The following PLXNA4 variants were observed in gnomAD, a reference collection of about 807,000 sequenced individuals.
PLXNA4 encodes plexin A4.
A neutral mutation model predicts 191.8 loss-of-function variants in PLXNA4; 44 were observed. The observed-to-expected ratio is 0.23, with a 90% confidence interval of 0.18 to 0.29. PLXNA4 has a LOEUF of 0.29. Ranked by LOEUF, PLXNA4 falls within the 10% of genes least tolerant of loss-of-function variation. The pLI is 1.00. For missense variants in PLXNA4, 1,800 were observed against 2,488.8 expected, an observed-to-expected ratio of 0.72 and a Z score of 5.89; for synonymous variants, 1,082 against 1,009.5, an observed-to-expected ratio of 1.07 and a Z score of -1.36.
chr7:132,202,634 A>C lies in PLXNA4; in HGVS notation c.2586+12T>G. Reference sequence around the variant, plus strand: ...CTGCCCATTTGGAGCAGGAGGCCCGACCCCGGCTTACCTCTGTGATGCGGG... The same window carrying C: ...CTGCCCATTTGGAGCAGGAGGCCCGCCCCCGGCTTACCTCTGTGATGCGGG... On this transcript the variant is annotated intron_variant, in intron 12 of 31. Transcript: ENST00000321063. 1.4e-6 allele frequency: 2 copies of C among 1,458,780 alleles called. No individual in the cohort carries two copies. The highest frequency in any genetic ancestry group is 1.8e-6 in the Non-Finnish European group (2 of 1,098,686). The allele number at this position is 1,458,780 out of a possible 1,614,324, so 90.4% of individuals were successfully genotyped here.
chr7:132,399,569 T>G (rs1352550312), intron 3 of PLXNA4, among the ~76,000 whole-genome samples: 1 of 152,170 alleles, frequency 6.6e-6, no homozygotes, highest in Non-Finnish European at 1.5e-5. Flanking sequence ...CTGGTCCTAG[T>G]GCAGTCTGGG....
At chr7:132,609,056 C>T (rs559452124) in intron 2 of PLXNA4, among the ~76,000 whole-genome samples, 27 of 152,286 alleles carry the variant, frequency 1.8e-4, no homozygotes, top group African/African-American at 5.5e-4. Context: ...CCCCTCATCC[C>T]TAAAGGCCCA....
intron 3 of PLXNA4, among the ~76,000 whole-genome samples, chr7:132,415,367 T>C (rs1346952910): frequency 6.6e-6 from 1 of 152,168 alleles, no homozygotes; most frequent in Non-Finnish European, 1.5e-5. Context: ...TGTTCACATG[T>C]ATGTGTGTGC....
At chr7:132,450,605 G>T (rs1273939775) in intron 3 of PLXNA4, among the ~76,000 whole-genome samples, 1 of 152,190 alleles carries the variant, frequency 6.6e-6, no homozygotes, top group Non-Finnish European at 1.5e-5. Context: ...GACTGGGAAG[G>T]CTGGAAAGGC....
At chr7:132,582,871 C>A (rs557300170) in intron 2 of PLXNA4, among the ~76,000 whole-genome samples, 1 of 152,258 alleles carries the variant, frequency 6.6e-6, no homozygotes, top group South Asian at 2.1e-4. Flanking sequence ...ATAAGAAGGA[C>A]AAAGTGGGGC....
At chr7:132,592,519 C>CTTT (rs5887580) in intron 2 of PLXNA4, among the ~76,000 whole-genome samples, 1 of 145,770 alleles carries the variant, frequency 6.9e-6, no homozygotes, top group Non-Finnish European at 1.5e-5. Flanking sequence ...TTAATTTAAC[C>CTTT]TTTTTTTTTT....
At chr7:132,480,795 C>A (rs1054911915) in intron 3 of PLXNA4, among the ~76,000 whole-genome samples, 2 of 152,190 alleles carry the variant, frequency 1.3e-5, no homozygotes, top group Non-Finnish European at 2.9e-5. Flanking sequence ...CATAATTGCT[C>A]TCAGAAGGAA....
chr7:132,595,018 T>TAGATAGACAGAC (rs1351375386), intron 2 of PLXNA4, among the ~76,000 whole-genome samples: 11 of 31,670 alleles, frequency 3.5e-4, no homozygotes, highest in South Asian at 2.5e-3. Flanking sequence ...GATAGATAGA[T>TAGATAGACAGAC]AGACAGACAG....
intron 3 of PLXNA4, among the ~76,000 whole-genome samples, chr7:132,464,205 G>A (rs576425038): frequency 6.6e-6 from 1 of 152,348 alleles, no homozygotes; most frequent in Non-Finnish European, 1.5e-5. Context: ...TGCTCTGGAA[G>A]AGTCCTGCTC....
intron 3 of PLXNA4, among the ~76,000 whole-genome samples, chr7:132,410,864 A>C (rs900605521): frequency 1.3e-5 from 2 of 152,088 alleles, no homozygotes; most frequent in Admixed American, 6.6e-5. Flanking sequence ...GCAGGCTAGC[A>C]TCCATTCTAG....
At chr7:132,345,571 G>A (rs2196049) in intron 3 of PLXNA4, among the ~76,000 whole-genome samples, 13 of 152,280 alleles carry the variant, frequency 8.5e-5, no homozygotes, top group African/African-American at 3.1e-4. Flanking sequence ...CATGAGGTCA[G>A]GTCATTCGGT....
chr7:132,641,811 C>T (rs1490051338), intron 2 of PLXNA4, among the ~76,000 whole-genome samples: 2 of 152,082 alleles, frequency 1.3e-5, no homozygotes, highest in African/African-American at 4.8e-5. Flanking sequence ...CACCTAACTC[C>T]ACTGGAGGGA....
chr7:132,459,701 T>C (rs908424438), intron 3 of PLXNA4, among the ~76,000 whole-genome samples: 7 of 152,242 alleles, frequency 4.6e-5, no homozygotes, highest in Admixed American at 4.6e-4. Context: ...GAGAAATCTG[T>C]TGGTGGTGGG....
At chr7:132,149,850 A>G (rs962771420) in intron 25 of PLXNA4, among the ~76,000 whole-genome samples, 1 of 152,166 alleles carries the variant, frequency 6.6e-6, no homozygotes, top group African/African-American at 2.4e-5. Context: ...AGGCTGGTCC[A>G]TGACCAGCCA....
intron 3 of PLXNA4, among the ~76,000 whole-genome samples, chr7:132,309,522 C>G (rs965974380): frequency 3.3e-5 from 5 of 152,148 alleles, no homozygotes; most frequent in African/African-American, 9.7e-5. Context: ...GGGGAGGCTA[C>G]CTCCTCTCCT....
chr7:132,360,812 C>G (rs1440313989), intron 3 of PLXNA4, among the ~76,000 whole-genome samples: 1 of 152,140 alleles, frequency 6.6e-6, no homozygotes, highest in Non-Finnish European at 1.5e-5. Flanking sequence ...CTGCACAGCA[C>G]CCTGGATAGC....
chr7:132,484,883 G>T, intron 3 of PLXNA4: 2 of 1,614,166 alleles, frequency 1.2e-6, no homozygotes, highest in Non-Finnish European at 1.7e-6. Context: ...ATCTGATATT[G>T]CTTTGTGACT....
At chr7:132,222,457 A>G (rs74601333) in intron 9 of PLXNA4, among the ~76,000 whole-genome samples, 8,323 of 152,114 alleles carry the variant, frequency 0.055, 553 homozygotes, top group Admixed American at 0.14. Flanking sequence ...GTGTTCTCTC[A>G]ATGCCCCTCC....
At chr7:132,405,768 A>G (rs557629022) in intron 3 of PLXNA4, among the ~76,000 whole-genome samples, 2 of 152,356 alleles carry the variant, frequency 1.3e-5, no homozygotes, top group Admixed American at 1.3e-4. Context: ...CTTAGACTTC[A>G]GGTTCCCCAT....
Sources: gnomAD v4.1 joint callset for allele counts (sites outside exome capture counted in the v4.1 genomes callset) on GRCh38, gnomAD v4.1.1 for gene constraint, MANE v1.5 for transcripts, NCBI Gene and HGNC (gene_info 2026-07-23, HGNC 2026-07-21) for gene names.